Variants in HMCN1 observed in about 807,000 individuals in gnomAD.
HMCN1 encodes hemicentin 1.
Under a neutral mutation model 625.9 loss-of-function variants are expected in HMCN1, and 321 were observed. That is an observed-to-expected ratio of 0.51 (90% CI 0.47 to 0.56). The LOEUF (loss-of-function observed/expected upper bound fraction) is 0.56, where lower values mean the gene tolerates loss of function less well. HMCN1 is among the 20% of genes least tolerant of loss of function. The pLI, the probability that HMCN1 is intolerant of heterozygous loss-of-function variation, is 0.00. For synonymous variants in HMCN1, 2,425 were observed against 2,417.6 expected (o/e 1.00, Z -0.09); for missense variants, 6,588 against 6,887.3 (o/e 0.96, Z 1.54).
At chr1:186,032,472 G>A (rs1655521951) in intron 36 of HMCN1, among the ~76,000 whole-genome samples, 1 of 152,086 alleles carries the variant, frequency 6.6e-6, no homozygotes, top group Non-Finnish European at 1.5e-5. Context: ...GGGACCCGAT[G>A]GGAGGTAATT....
At chr1:185,899,195 G>A (rs1665665543) in intron 4 of HMCN1, among the ~76,000 whole-genome samples, 1 of 152,104 alleles carries the variant, frequency 6.6e-6, no homozygotes, top group African/African-American at 2.4e-5. Flanking sequence ...CTGGGGCGAT[G>A]TTCGCTATTT....
rs1445315171 is a variant in HMCN1, at chr1:186,114,064, G to A, written c.11217G>A (p.Val3739=). The change falls in exon 73 of 107, where the codon GTG becomes GTA. Residue 3739 remains valine (V), a synonymous_variant. Coordinates refer to ENST00000271588, the MANE Select transcript of HMCN1 (RefSeq NM_031935.3). The stretch of plus-strand genomic sequence containing the variant: ...TATTGGAATGCATCGCTGAAGGTGT[G>A]CCAACTCCAAGGATAACATGGAGAA... ...STVLECIAEG[V]PTPRITWRKD... is the part of the protein sequence containing the mutation. 1.2e-6 allele frequency: 2 copies of A among 1,613,968 alleles called. No homozygotes were observed. Among genetic ancestry groups the A allele is most frequent in the Admixed American group, 1.7e-5 (1 of 60,006 alleles).
At chr1:186,099,959 C>CA (rs969757330) in intron 68 of HMCN1, among the ~76,000 whole-genome samples, 1 of 151,890 alleles carries the variant, frequency 6.6e-6, no homozygotes, top group African/African-American at 2.4e-5. Flanking sequence ...ATTTCGTTTC[C>CA]AAAAAATCCC....
intron 93 of HMCN1, among the ~76,000 whole-genome samples, chr1:186,147,778 A>G (rs1650412350): frequency 6.6e-6 from 1 of 150,538 alleles, no homozygotes; most frequent in Non-Finnish European, 1.5e-5. Context: ...ATTTTAAAAT[A>G]CTTTATTGCT....
intron 71 of HMCN1, among the ~76,000 whole-genome samples, chr1:186,109,567 T>A (rs958228733): frequency 2.0e-5 from 3 of 152,292 alleles, no homozygotes; most frequent in Admixed American, 6.5e-5. Context: ...ATTAGAAGGA[T>A]GTGTAGAAAC....
intron 1 of HMCN1, among the ~76,000 whole-genome samples, chr1:185,802,205 G>A (rs1043105864): frequency 2.0e-5 from 3 of 152,104 alleles, no homozygotes; most frequent in African/African-American, 7.2e-5. Flanking sequence ...TTTTTGGATT[G>A]TGCAATTGGA....
chr1:186,047,264 A>T lies in HMCN1; in HGVS notation c.6480+1401A>T, dbSNP rs539659793. Reference sequence around the variant, plus strand: ...ATGAGCTAATTGAACTACACATGAAAAAAGAAGAAGAAGAAAAGGCATTGC... The same window carrying T: ...ATGAGCTAATTGAACTACACATGAATAAAGAAGAAGAAGAAAAGGCATTGC... On this transcript the variant is annotated intron_variant, in intron 41 of 106. Transcript: ENST00000271588. 4.6e-5 allele frequency among the ~76,000 whole-genome samples: 7 copies of T among 152,272 alleles called. No individual in the cohort carries two copies. In the East Asian group the frequency reaches 1.4e-3, roughly 29 times the overall value.
intron 97 of HMCN1, among the ~76,000 whole-genome samples, chr1:186,159,733 C>T (rs1449223096): frequency 8.5e-5 from 13 of 152,072 alleles, no homozygotes; most frequent in South Asian, 2.1e-4. Flanking sequence ...TATTGATTTG[C>T]GTATATTGAA....
chr1:185,836,217 CA>C (rs926336147), intron 1 of HMCN1, among the ~76,000 whole-genome samples: 17 of 152,256 alleles, frequency 1.1e-4, no homozygotes, highest in African/African-American at 3.6e-4. Flanking sequence ...TGCATGAACA[CA>C]ACATGAAGCT....
At chr1:185,829,357 T>C (rs1558000588) in intron 1 of HMCN1, among the ~76,000 whole-genome samples, 1 of 151,886 alleles carries the variant, frequency 6.6e-6, no homozygotes, top group Non-Finnish European at 1.5e-5. Context: ...ACATGCGCCA[T>C]GGTGGTTTGC....
At chr1:185,784,429 C>T (rs990450582) in intron 1 of HMCN1, among the ~76,000 whole-genome samples, 4 of 152,264 alleles carry the variant, frequency 2.6e-5, no homozygotes, top group South Asian at 4.1e-4. Flanking sequence ...AGAAATCACC[C>T]GTCTTCTGCG....
At chr1:185,785,447 GT>G (rs1458803211) in intron 1 of HMCN1, among the ~76,000 whole-genome samples, 4 of 152,170 alleles carry the variant, frequency 2.6e-5, no homozygotes, top group Non-Finnish European at 5.9e-5. Flanking sequence ...TTCTTGGTCA[GT>G]TTTAATCTAT....
chr1:186,123,220 G>A lies in HMCN1; in HGVS notation c.12499G>A (p.Val4167Ile). 6.2e-7 allele frequency: 1 copy of A among 1,612,926 alleles called. No homozygotes were observed. The highest frequency in any genetic ancestry group is 8.5e-7 in the Non-Finnish European group (1 of 1,179,430). ...CACAAGCACCAAGCTCACCGTCCAT[G>A]GTAGGTTGTTTAACATGAATTATTT... ...SSTSTKLTVH[V>I]PPRIRSTEGH... The change falls in exon 81 of 107, where the codon GTA becomes ATA. Residue 4167 changes from valine to isoleucine, a missense_variant and splice_region_variant. Transcript: ENST00000271588.
At chr1:186,053,209 T>C in intron 43 of HMCN1, 135 bp downstream of exon 43, 1 of 772,848 alleles carries the variant, frequency 1.3e-6, no homozygotes, top group South Asian at 1.7e-5. Context: ...CAAAATTGCT[T>C]TATATTAAAT....
intron 9 of HMCN1, among the ~76,000 whole-genome samples, chr1:185,928,293 A>G (rs1667375404): frequency 6.6e-6 from 1 of 152,114 alleles, no homozygotes; most frequent in African/African-American, 2.4e-5. Flanking sequence ...GCTAGAAAAT[A>G]TTTCTCTAAA....
chr1:185,768,883 C>A (rs1656046352), intron 1 of HMCN1, among the ~76,000 whole-genome samples: 2 of 152,084 alleles, frequency 1.3e-5, no homozygotes, highest in African/African-American at 4.8e-5. Context: ...TGACCTTGAA[C>A]AAAATATTTA....
At position 186,055,425 on chromosome 1, in the gene HMCN1, C is replaced by T. The variant is rs1657244407; in HGVS notation, c.6895C>T (p.Pro2299Ser). ...RPTITNSGSH[P>S]TEIIVTRGKS... ...AACCATAACCAACAGTGGCAGCCAC[C>T]CTACTGAAATTATTGTGACCCGAGG... is the stretch of plus-strand genomic sequence containing the variant. The change falls in exon 45 of 107, where the codon CCT becomes TCT. Residue 2299 changes from proline (P) to serine (S), a missense_variant. Around this residue, in one of 3 missense-constraint regions of HMCN1, gnomAD observed 4,628 missense variants for 4,853.1 expected, o/e 0.95. Transcript: ENST00000271588. The T allele has an allele frequency of 6.2e-7, 1 of 1,612,494 alleles. No individual in the cohort carries two copies. The highest frequency in any genetic ancestry group is 1.7e-5 in the Admixed American group (1 of 59,792).
intron 97 of HMCN1, among the ~76,000 whole-genome samples, chr1:186,160,798 A>T (rs1435373367): frequency 6.6e-6 from 1 of 151,348 alleles, no homozygotes; most frequent in Non-Finnish European, 1.5e-5. Flanking sequence ...GTTTGTTATA[A>T]TCTCTGTTCT....
At chr1:186,063,066 G>GTATATATATATA (rs1491400415) in intron 48 of HMCN1, among the ~76,000 whole-genome samples, 63 of 29,878 alleles carry the variant, frequency 2.1e-3, no homozygotes, top group African/African-American at 4.7e-3. Context: ...GTGTGTGTGT[G>GTATATATATATA]CATATATATA....
Sources: allele counts gnomAD v4.1 joint callset (sites outside exome capture counted in the v4.1 genomes callset), GRCh38; gene constraint gnomAD v4.1.1; regional missense constraint gnomAD v4.1.1; transcripts MANE v1.5; gene names NCBI Gene and HGNC (gene_info 2026-07-23, HGNC 2026-07-21).